Variants in MYO16 observed in about 807,000 individuals in gnomAD.
MYO16 encodes the protein unconventional myosin-XVI.
A neutral mutation model predicts 205.3 loss-of-function variants in MYO16; 94 were observed. The ratio of observed to expected loss-of-function variants is 0.46; its 90% CI spans 0.39 to 0.54. The LOEUF (loss-of-function observed/expected upper bound fraction) is 0.54. Ranked by LOEUF, MYO16 falls within the 20% of genes least tolerant of loss-of-function variation. MYO16 has a pLI of 0.00. For missense variants in MYO16, 2,315 were observed against 2,387.5 expected, an observed-to-expected ratio of 0.97 and a Z score of 0.63; for synonymous variants, 988 against 954.0, an observed-to-expected ratio of 1.04 and a Z score of -0.66.
At chr13:109,106,462 A>C (rs1889124630) in intron 28 of MYO16, among the ~76,000 whole-genome samples, 1 of 152,152 alleles carries the variant, frequency 6.6e-6, no homozygotes, top group Non-Finnish European at 1.5e-5. Flanking sequence ...GCCCCTGTGG[A>C]ACATGCTTGT....
intron 34 of MYO16, among the ~76,000 whole-genome samples, chr13:109,196,637 T>C (rs1029947428): frequency 2.6e-5 from 4 of 152,200 alleles, no homozygotes; most frequent in Non-Finnish European, 5.9e-5. Flanking sequence ...TGGTCCAAAC[T>C]GACAGGAGCT....
intron 31 of MYO16, among the ~76,000 whole-genome samples, chr13:109,129,425 G>C (rs1019493791): frequency 1.5e-4 from 23 of 152,080 alleles, no homozygotes; most frequent in Non-Finnish European, 1.5e-5. Flanking sequence ...ATATAAATTA[G>C]AACAGGACCT....
intron 4 of MYO16, among the ~76,000 whole-genome samples, chr13:108,757,597 T>C (rs544396683): frequency 8.5e-5 from 13 of 152,212 alleles, no homozygotes; most frequent in East Asian, 7.8e-4. Flanking sequence ...TCATTTAACA[T>C]TAGGTATATC....
chr13:108,720,532 C>G (rs532617086), intron 3 of MYO16, among the ~76,000 whole-genome samples: 1 of 152,144 alleles, frequency 6.6e-6, no homozygotes. Flanking sequence ...GTGCACCTCA[C>G]GTCACTTCTT....
chr13:109,175,405 A>G (rs1376918049), intron 33 of MYO16, among the ~76,000 whole-genome samples: 1 of 152,200 alleles, frequency 6.6e-6, no homozygotes, highest in Non-Finnish European at 1.5e-5. Context: ...CAGCATATCC[A>G]TTATGCCATG....
intron 4 of MYO16, among the ~76,000 whole-genome samples, chr13:108,737,499 T>C (rs1884746207): frequency 6.6e-6 from 1 of 152,210 alleles, no homozygotes; most frequent in African/African-American, 2.4e-5. Flanking sequence ...CACTTGATCA[T>C]GGTGGATAAG....
chr13:108,611,945 G>A (rs1042194466), intron 1 of MYO16, among the ~76,000 whole-genome samples: 3 of 150,542 alleles, frequency 2.0e-5, no homozygotes, highest in African/African-American at 7.3e-5. Context: ...CTAGATAGAA[G>A]GCAGGTAATA....
At chr13:109,191,554 A>T (rs922547875) in intron 34 of MYO16, among the ~76,000 whole-genome samples, 2 of 152,108 alleles carry the variant, frequency 1.3e-5, no homozygotes, top group Non-Finnish European at 2.9e-5. Flanking sequence ...CTGAGCAAAG[A>T]TATGGAAGTC....
chr13:108,968,850 G>A (rs939505148), intron 20 of MYO16, among the ~76,000 whole-genome samples: 3 of 152,120 alleles, frequency 2.0e-5, no homozygotes, highest in Non-Finnish European at 2.9e-5. Context: ...TGCTCCCCAC[G>A]AACGCAGGAA....
In MYO16 at chr13:108,635,050, C is replaced by G. The variant is rs1056735338; in HGVS notation, c.28+5178C>G. On this transcript the variant is annotated intron_variant, in intron 1 of 34. Coordinates refer to ENST00000457511, the MANE Select transcript of MYO16 (RefSeq NM_001198950.3). ...TAAACCATCTATTTATTAAACTCTT[C>G]TTTTTTGACAGGCATTAAGACATTC... 3.3e-5 allele frequency among the ~76,000 whole-genome samples: 5 copies of G among 152,134 alleles called. No homozygotes were observed. In the East Asian group the frequency reaches 9.6e-4, roughly 29 times the overall value.
chr13:108,989,027 A>G (rs572021067), intron 20 of MYO16, among the ~76,000 whole-genome samples: 2 of 152,292 alleles, frequency 1.3e-5, no homozygotes, highest in South Asian at 2.1e-4. Context: ...ATTGGTGTCA[A>G]TTTTCTCTAC....
intron 11 of MYO16, among the ~76,000 whole-genome samples, chr13:108,865,636 ATGT>A (rs914996284): frequency 6.6e-6 from 1 of 151,644 alleles, no homozygotes; most frequent in Non-Finnish European, 1.5e-5. Flanking sequence ...TTTACAACTG[ATGT>A]TGTTGCTGGT....
chr13:108,583,571 G>C, the MYO16 span, among the ~76,000 whole-genome samples: 1 of 152,104 alleles, frequency 6.6e-6, no homozygotes, highest in Admixed American at 6.6e-5. Flanking sequence ...AATAATTTTA[G>C]AATTATTTAA....
intron 24 of MYO16, among the ~76,000 whole-genome samples, chr13:109,050,420 C>T (rs748320215): frequency 1.1e-4 from 16 of 152,092 alleles, no homozygotes; most frequent in Admixed American, 2.0e-4. Context: ...GAGGCAGTCA[C>T]GGTTTGAAAC....
intron 1 of MYO16, among the ~76,000 whole-genome samples, chr13:108,599,801 C>A (rs1252919980): frequency 6.6e-6 from 1 of 152,180 alleles, no homozygotes; most frequent in Non-Finnish European, 1.5e-5. Flanking sequence ...CACATGCTTT[C>A]CCAGTTTTGG....
intron 20 of MYO16, among the ~76,000 whole-genome samples, chr13:108,989,246 A>T (rs1289627823): frequency 6.6e-6 from 1 of 152,128 alleles, no homozygotes; most frequent in Admixed American, 6.5e-5. Context: ...AAAGGTATAC[A>T]TTTTGTTTCT....
intron 16 of MYO16, among the ~76,000 whole-genome samples, chr13:108,911,856 T>G (rs1881283260): frequency 6.6e-6 from 1 of 152,122 alleles, no homozygotes; most frequent in Non-Finnish European, 1.5e-5. Flanking sequence ...AGGTCAGGAT[T>G]GAAGGATGCA....
intron 10 of MYO16, among the ~76,000 whole-genome samples, chr13:108,845,890 T>A (rs1877495049): frequency 6.9e-6 from 1 of 145,698 alleles, no homozygotes. Context: ...TTTTTTTTTT[T>A]AAGAGATAGG....
intron 2 of MYO16, among the ~76,000 whole-genome samples, chr13:108,696,348 G>A (rs1261024775): frequency 6.6e-6 from 1 of 152,108 alleles, no homozygotes; most frequent in African/African-American, 2.4e-5. Context: ...TCTACCAATG[G>A]GGAATTGGAT....
Sources: allele counts gnomAD v4.1 joint callset (sites outside exome capture counted in the v4.1 genomes callset), GRCh38; gene constraint gnomAD v4.1.1; transcripts MANE v1.5; gene names NCBI Gene and HGNC (gene_info 2026-07-23, HGNC 2026-07-21).